MPPED1: variants seen among roughly 807,000 people sequenced by gnomAD.
MPPED1 encodes metallophosphoesterase domain containing 1.
MPPED1 carries 16 observed loss-of-function variants against 36.2 expected under a neutral mutation model. The ratio of observed to expected loss-of-function variants is 0.44; its 90% confidence interval spans 0.30 to 0.67. MPPED1 has a LOEUF of 0.67. Ranked by LOEUF, MPPED1 falls within the 30% of genes least tolerant of loss-of-function variation. The pLI, the probability that MPPED1 is intolerant of heterozygous loss-of-function variation, is 0.10. For synonymous variants in MPPED1, 199 were observed against 191.3 expected, an observed-to-expected ratio of 1.04 and a Z score of -0.33; for missense variants, 307 against 453.4, an observed-to-expected ratio of 0.68 and a Z score of 2.93.
At position 43,474,887 on chromosome 22, in the gene MPPED1, G is replaced by A. The variant is rs558450541; in HGVS notation, c.558G>A (p.Ser186=). 1.4e-5 allele frequency: 23 copies of A among 1,614,012 alleles called. No homozygotes were observed. Among genetic ancestry groups the A allele is most frequent in the African/African-American group, 5.3e-5 (4 of 75,054 alleles). The part of the protein sequence containing the change: ...LKPENYENVQ[S]LLTNCIYLQD... ...CGGAGAACTATGAGAATGTGCAGTC[G>A]CTGCTGACCAACTGCATCTACCTTC... Residue 186 remains serine (S), a synonymous_variant, in exon 4 of 7, where the codon TCG becomes TCA. Transcript: ENST00000443721. This position sits in a 1 kb window ranked among gnomAD's most constrained non-coding sequence, Gnocchi z 5.2.
At chr22:43,433,709 A>G (rs1221158566) in intron 2 of MPPED1, among the ~76,000 whole-genome samples, 1 of 152,120 alleles carries the variant, frequency 6.6e-6, no homozygotes, top group East Asian at 1.9e-4. Context: ...AGCATGCTGA[A>G]CCCACGTCTC....
chr22:43,452,169 C>A (rs2146855341), intron 3 of MPPED1, among the ~76,000 whole-genome samples: 1 of 152,150 alleles, frequency 6.6e-6, no homozygotes, highest in East Asian at 1.9e-4. Context: ...AGGCGTGAGC[C>A]ATCATGCTTG....
At chr22:43,438,035 C>G (rs762433169) in intron 3 of MPPED1, among the ~76,000 whole-genome samples, 1 of 152,214 alleles carries the variant, frequency 6.6e-6, no homozygotes, top group Non-Finnish European at 1.5e-5. Flanking sequence ...CATCCTATTG[C>G]TGAGCCTCAC....
chr22:43,468,352 C>A (rs1931245588), intron 3 of MPPED1, among the ~76,000 whole-genome samples: 1 of 152,218 alleles, frequency 6.6e-6, no homozygotes, highest in Non-Finnish European at 1.5e-5. Flanking sequence ...GCTGGGAGAT[C>A]AGCGTTCTCG....
Position 43,485,494 on chromosome 22 carries a change from A to G in MPPED1, c.632+10533A>G, listed in dbSNP as rs567181578. Among the ~76,000 whole-genome samples, 429 of 151,598 alleles carry G rather than the reference A, an allele frequency of 2.8e-3. 2 individuals carry two copies. Among genetic ancestry groups the G allele is most frequent in the African/African-American group, 9.9e-3 (407 of 41,298 alleles). ...CACTCACACAGTCACACACATACAC[A>G]TGGATGCACACGTCATACACATTCA... is the stretch of plus-strand genomic sequence containing the variant. On this transcript the variant is annotated intron_variant, in intron 4 of 6. Coordinates refer to ENST00000443721, the MANE Select transcript of MPPED1 (RefSeq NM_001044370.2).
At chr22:43,456,620 A>G (rs1399349988) in intron 3 of MPPED1, among the ~76,000 whole-genome samples, 2 of 152,118 alleles carry the variant, frequency 1.3e-5, no homozygotes, top group Non-Finnish European at 2.9e-5. Flanking sequence ...TCAGCCTCCC[A>G]AGTAGCTGAG....
chr22:43,443,161 C>T (rs1217866643), intron 3 of MPPED1, among the ~76,000 whole-genome samples: 1 of 152,122 alleles, frequency 6.6e-6, no homozygotes, highest in South Asian at 2.1e-4. Context: ...TGGGGAAGGC[C>T]CCCCTGGGAG....
chr22:43,441,498 C>T (rs913163845), intron 3 of MPPED1, among the ~76,000 whole-genome samples: 1 of 152,162 alleles, frequency 6.6e-6, no homozygotes, highest in Non-Finnish European at 1.5e-5. Flanking sequence ...CAGCCTGGTG[C>T]CGAGGTGCCC....
At chr22:43,473,215 C>T (rs1323445505) in intron 3 of MPPED1, among the ~76,000 whole-genome samples, 2 of 149,330 alleles carry the variant, frequency 1.3e-5, no homozygotes, top group African/African-American at 2.6e-5. Flanking sequence ...CCACGGTGCC[C>T]GTGCTGCTGG....
chr22:43,455,055 A>T (rs1439755646), intron 3 of MPPED1, among the ~76,000 whole-genome samples: 1 of 150,396 alleles, frequency 6.6e-6, no homozygotes, highest in Non-Finnish European at 1.5e-5. Flanking sequence ...CTTGGCTTGC[A>T]GATGGCTGTC....
At chr22:43,473,514 TCTCGGCCCAGGAGGGG>T (rs1322131342) in intron 3 of MPPED1, among the ~76,000 whole-genome samples, 3 of 152,210 alleles carry the variant, frequency 2.0e-5, no homozygotes, top group Non-Finnish European at 2.9e-5. Flanking sequence ...TCCAGGTCAC[TCTCGGCCCAGGAGGGG>T]CCAGGAGAAA....
intron 3 of MPPED1, among the ~76,000 whole-genome samples, chr22:43,448,515 G>T (rs989449480): frequency 1.3e-5 from 2 of 152,180 alleles, no homozygotes; most frequent in Non-Finnish European, 2.9e-5. Context: ...CTTGTCTAAG[G>T]TCATACGGCA....
rs1448975764 is a variant in MPPED1, at chr22:43,474,762, G to A, written c.433G>A (p.Val145Met). The A allele has an allele frequency of 2.5e-6, 4 of 1,614,048 alleles. No individual in the cohort carries two copies. The highest frequency in any genetic ancestry group is 3.4e-6 in the Non-Finnish European group (4 of 1,179,896). ...CAGCCTGCCCTACGAGTACAAGATC[G>A]TGATCGCAGGCAACCACGAGCTGAC... The part of the protein sequence containing the change: ...LGSLPYEYKI[V>M]IAGNHELTFD... Residue 145 changes from valine (V) to methionine (M), a missense_variant, in exon 4 of 7, where the codon GTG becomes ATG. Val to Met is a conservative substitution (Grantham distance 21). Around this residue, in one of 3 missense-constraint regions of MPPED1, gnomAD observed 169 missense variants for 212.3 expected, o/e 0.80. Coordinates refer to ENST00000443721, the MANE Select transcript of MPPED1 (RefSeq NM_001044370.2). This position sits in a 1 kb window ranked among gnomAD's most constrained non-coding sequence, Gnocchi z 5.2.
At chr22:43,443,739 C>T (rs536627743) in intron 3 of MPPED1, among the ~76,000 whole-genome samples, 2 of 152,112 alleles carry the variant, frequency 1.3e-5, no homozygotes, top group East Asian at 3.9e-4. Flanking sequence ...GTACAGCAGA[C>T]TTAAAATGGA....
intron 1 of MPPED1, 107 bp downstream of exon 1, chr22:43,412,265 G>A (rs1211027185): frequency 2.8e-6 from 2 of 721,902 alleles, no homozygotes; most frequent in Non-Finnish European, 3.4e-6. Context: ...GCGCTGCGCA[G>A]GGGCGCCCGC....
At chr22:43,493,820 G>A (rs1441534128) in intron 4 of MPPED1, among the ~76,000 whole-genome samples, 3 of 152,164 alleles carry the variant, frequency 2.0e-5, no homozygotes, top group Non-Finnish European at 4.4e-5. Flanking sequence ...GTGCTGCAGG[G>A]GTGAAGGTCG....
intron 5 of MPPED1, among the ~76,000 whole-genome samples, chr22:43,500,335 AGG>A (rs1932676230): frequency 1.3e-3 from 34 of 26,882 alleles, no homozygotes; most frequent in South Asian, 2.5e-3. Flanking sequence ...GTGGTGGTGG[AGG>A]TGGTGGTGGT....
intron 1 of MPPED1, among the ~76,000 whole-genome samples, chr22:43,416,003 A>G (rs1009723109): frequency 3.9e-5 from 6 of 152,230 alleles, no homozygotes; most frequent in African/African-American, 1.4e-4. Context: ...TTTTCCGGAC[A>G]GTGCTGCAGT....
In MPPED1 at chr22:43,436,590, G is replaced by C. The variant is rs535639059; in HGVS notation, c.406+1375G>C. Among the ~76,000 whole-genome samples, 132 of 152,396 alleles carry C rather than the reference G, an allele frequency of 8.7e-4. 2 individuals carry two copies. The highest frequency in any genetic ancestry group is 3.1e-3 in the African/African-American group (127 of 41,606). On this transcript the variant is annotated intron_variant, in intron 3 of 6. Transcript: ENST00000443721. ...GACAGGGCTCCTGAAGTCCTTCTCT[G>C]GGATTCTCCCCTTGCCCACACTGGC...
Sources: gnomAD v4.1 joint callset for allele counts (sites outside exome capture counted in the v4.1 genomes callset) on GRCh38, gnomAD v4.1.1 for gene constraint, gnomAD v4.1.1 regional missense constraint, Gnocchi (gnomAD v3.1) non-coding constraint, MANE v1.5 for transcripts, NCBI Gene and HGNC (gene_info 2026-07-23, HGNC 2026-07-21) for gene names.